The following PPP1R13B variants were observed in gnomAD, a reference collection of about 807,000 sequenced individuals.
The protein encoded by PPP1R13B is apoptosis-stimulating of p53 protein 1.
PPP1R13B carries 44 observed loss-of-function variants against 119.8 expected under a neutral mutation model. The observed-to-expected ratio is 0.37, with a 90% CI of 0.29 to 0.47. PPP1R13B has a LOEUF of 0.47. Among genes scored for constraint, PPP1R13B ranks in the 20% least tolerant of loss-of-function variants. The pLI, the probability that PPP1R13B is intolerant of heterozygous loss-of-function variation, is 0.99. For missense variants in PPP1R13B, 1,227 were observed against 1,413.5 expected, an observed-to-expected ratio of 0.87 and a Z score of 2.12; for synonymous variants, 542 against 561.5, an observed-to-expected ratio of 0.97 and a Z score of 0.49.
intron 1 of PPP1R13B, among the ~76,000 whole-genome samples, chr14:103,822,124 G>C (rs916470423): frequency 1.3e-5 from 2 of 152,000 alleles, no homozygotes; most frequent in African/African-American, 2.4e-5. Context: ...CAAGAGATGA[G>C]GATCAAAAAG....
At chr14:103,787,377 G>A (rs1471428253) in intron 2 of PPP1R13B, among the ~76,000 whole-genome samples, 1 of 151,996 alleles carries the variant, frequency 6.6e-6, no homozygotes, top group African/African-American at 2.4e-5. Context: ...GAACCTGGGA[G>A]GTGGAGGTTG....
At chr14:103,803,419 G>A (rs565385660) in intron 1 of PPP1R13B, among the ~76,000 whole-genome samples, 76 of 152,198 alleles carry the variant, frequency 5.0e-4, no homozygotes, top group Non-Finnish European at 8.7e-4. Context: ...CAAGGCAGGC[G>A]GATCACTAGG....
intron 5 of PPP1R13B, among the ~76,000 whole-genome samples, chr14:103,756,866 C>A: frequency 6.6e-6 from 1 of 152,092 alleles, no homozygotes; most frequent in East Asian, 1.9e-4. Context: ...TCACACCATT[C>A]TCCCGCCTGA....
At chr14:103,818,501 G>T (rs1365801429) in intron 1 of PPP1R13B, 1 of 982,760 alleles carries the variant, frequency 1.0e-6, no homozygotes, top group Non-Finnish European at 1.2e-6. Flanking sequence ...ACAGGGAGAA[G>T]AACGAATATT....
chr14:103,779,127 T>C (rs941857500), intron 3 of PPP1R13B, among the ~76,000 whole-genome samples: 1 of 151,852 alleles, frequency 6.6e-6, no homozygotes, highest in Non-Finnish European at 1.5e-5. Context: ...GTTTCCACAA[T>C]AAATATTTTA....
chr14:103,750,813 A>G (rs1204144864), intron 7 of PPP1R13B, among the ~76,000 whole-genome samples: 1 of 142,194 alleles, frequency 7.0e-6, no homozygotes, highest in Non-Finnish European at 1.5e-5. Context: ...CCTTGGTGAC[A>G]GAGGCAGACT....
At chr14:103,798,655 T>C (rs551399761) in intron 1 of PPP1R13B, among the ~76,000 whole-genome samples, 3 of 152,264 alleles carry the variant, frequency 2.0e-5, no homozygotes, top group African/African-American at 7.2e-5. Flanking sequence ...CCCTTAAACA[T>C]AAAAATACAT....
rs2085784359 is a variant in PPP1R13B, at chr14:103,797,388, T to A, written c.140A>T (p.Glu47Val). The A allele has an allele frequency of 1.2e-6, 2 of 1,613,898 alleles. No homozygotes were observed. Among genetic ancestry groups the A allele is most frequent in the Non-Finnish European group, 1.7e-6 (2 of 1,179,978 alleles). Residue 47 changes from glutamate (E) to valine (V), a missense_variant, in exon 2 of 17, where the codon GAA becomes GTA. By Grantham distance (121) the Glu-to-Val change is moderately radical (BLOSUM62 -2). Transcript: ENST00000202556. ...EPGEGSCHLA[E>V]VWRGNERPIP... Reference sequence around the variant, plus strand: ...ATACATACCATTTCCCCTCCACACTTCAGCTAAATGGCAGCTGCCTTCTCC... The same window carrying A: ...ATACATACCATTTCCCCTCCACACTACAGCTAAATGGCAGCTGCCTTCTCC...
At position 103,803,987 on chromosome 14, in the gene PPP1R13B, A is replaced by G; in HGVS notation, c.10-6469T>C. The stretch of plus-strand genomic sequence containing the variant: ...GCTATTTATAGTACAACTTTCTTAC[A>G]TTAAATTATCAATAGTTTTCTTGAC... On this transcript the variant is annotated intron_variant, in intron 1 of 16. Transcript: ENST00000202556. The G allele has an allele frequency of 4.4e-6, 4 of 916,784 alleles. No individual in the cohort carries two copies. In the African/African-American group the frequency reaches 5.4e-5, roughly 12 times the overall value. 56.8% of individuals were successfully genotyped at this position (916,784 alleles called of 1,614,324 possible).
At chr14:103,825,664 G>C (rs2086520955) in intron 1 of PPP1R13B, among the ~76,000 whole-genome samples, 1 of 152,178 alleles carries the variant, frequency 6.6e-6, no homozygotes, top group Non-Finnish European at 1.5e-5. Flanking sequence ...AAGAAAGTTG[G>C]AAGCTAGCAG....
At chr14:103,752,534 CTTTTTT>C (rs35277937) in intron 7 of PPP1R13B, among the ~76,000 whole-genome samples, 2 of 126,284 alleles carry the variant, frequency 1.6e-5, no homozygotes, top group Admixed American at 8.3e-5. Context: ...GAATTAGATC[CTTTTTT>C]TTTTTTTTTT....
At chr14:103,793,680 G>A (rs1048768930) in intron 2 of PPP1R13B, among the ~76,000 whole-genome samples, 10 of 151,694 alleles carry the variant, frequency 6.6e-5, no homozygotes, top group Non-Finnish European at 1.3e-4. Context: ...AAGACTTTTA[G>A]GAACTTTAAA....
At chr14:103,784,190 C>CA (rs1165735977) in intron 3 of PPP1R13B, among the ~76,000 whole-genome samples, 1 of 150,800 alleles carries the variant, frequency 6.6e-6, no homozygotes, top group Non-Finnish European at 1.5e-5. Context: ...CAAAACAAAA[C>CA]AAAAATCCCT....
At chr14:103,813,177 A>G (rs1469887685) in intron 1 of PPP1R13B, among the ~76,000 whole-genome samples, 4 of 152,218 alleles carry the variant, frequency 2.6e-5, no homozygotes, top group African/African-American at 9.6e-5. Context: ...ATGAATGGAT[A>G]AACAAACTGT....
At chr14:103,778,413 C>T (rs1415253616) in intron 4 of PPP1R13B, among the ~76,000 whole-genome samples, 1 of 151,990 alleles carries the variant, frequency 6.6e-6, no homozygotes, top group Non-Finnish European at 1.5e-5. Flanking sequence ...AGGCGCATGC[C>T]ACCATGCCTG....
intron 16 of PPP1R13B, 119 bp from the exon 17 acceptor site, chr14:103,735,314 C>A: frequency 1.1e-6 from 1 of 915,120 alleles, no homozygotes; most frequent in East Asian, 2.4e-5. Context: ...ACCCTTGTCC[C>A]TCAGGCCTAC....
chr14:103,734,289 C>G lies in PPP1R13B; in HGVS notation c.*865G>C, dbSNP rs762425538. The G allele has an allele frequency of 9.0e-6, 3 of 334,510 alleles. No individual in the cohort carries two copies. The highest frequency in any genetic ancestry group is 1.8e-5 in the Non-Finnish European group (3 of 167,160). The allele number at this position is 334,510 out of a possible 1,614,324, so 20.7% of individuals were successfully genotyped here. A position where few individuals can be genotyped will look rare whatever the true frequency, so the allele number is the denominator to read the frequency against. On this transcript the variant is annotated 3_prime_UTR_variant, in exon 17 of 17. Transcript: ENST00000202556. The stretch of plus-strand genomic sequence containing the variant: ...TCAGGCACCAAACAGCCCCGTCTAC[C>G]TGGCCCTGGTCTGCCCTCACACCAG...
chr14:103,795,030 G>A (rs1309430361), intron 2 of PPP1R13B, among the ~76,000 whole-genome samples: 2 of 152,084 alleles, frequency 1.3e-5, no homozygotes, highest in Non-Finnish European at 2.9e-5. Flanking sequence ...TGCAACCTCC[G>A]CCTCCGGGTT....
At chr14:103,784,983 A>G (rs1311036895) in intron 2 of PPP1R13B, 69 bp from the exon 3 acceptor site, 2 of 1,420,430 alleles carry the variant, frequency 1.4e-6, no homozygotes, top group Non-Finnish European at 1.9e-6. Context: ...AATTTTGTAA[A>G]AAACTTAAAT....
Sources: allele counts gnomAD v4.1 joint callset (sites outside exome capture counted in the v4.1 genomes callset), GRCh38; gene constraint gnomAD v4.1.1; transcripts MANE v1.5; gene names NCBI Gene and HGNC (gene_info 2026-07-23, HGNC 2026-07-21).